Variants in ZNF91 observed in about 807,000 individuals in gnomAD.
ZNF91 encodes zinc finger protein 91 (HPF7, HTF10).
A neutral mutation model predicts 12.6 loss-of-function variants in ZNF91; 7 were observed. The ratio of observed to expected loss-of-function variants is 0.55; its 90% CI spans 0.31 to 1.04. ZNF91 has a LOEUF of 1.04. Among genes scored for constraint, ZNF91 ranks in the 50% least tolerant of loss-of-function variants. ZNF91 has a pLI of 0.05. For synonymous variants in ZNF91, 453 were observed against 462.6 expected, an observed-to-expected ratio of 0.98 and a Z score of 0.27; for missense variants, 1,217 against 1,385.4, an observed-to-expected ratio of 0.88 and a Z score of 1.93.
chr19:23,364,808 G>A (rs557162331), intron 3 of ZNF91, among the ~76,000 whole-genome samples: 98 of 152,012 alleles, frequency 6.4e-4, no homozygotes, highest in African/African-American at 2.3e-3. Context: ...AAAATACAAC[G>A]ATAATATTTA....
chr19:23,369,028 T>G (rs1239014398), intron 3 of ZNF91, among the ~76,000 whole-genome samples: 1 of 152,008 alleles, frequency 6.6e-6, no homozygotes, highest in South Asian at 2.1e-4. Context: ...AATGAAACCC[T>G]TGGCTGGGCA....
Position 23,332,699 on chromosome 19 carries a change from C to T in ZNF91, n.117-23602G>A, listed in dbSNP as rs1967946824. ...ATCACAGCTTACCTAGTCAACACCT[C>T]ATTTTACCTAATATTTGACGACATA... On this transcript the variant is annotated intron_variant and non_coding_transcript_variant, in intron 1 of 1. Transcript: ENST00000596528. Among the ~76,000 whole-genome samples the T allele has an allele frequency of 2.6e-5, 4 of 152,300 alleles. 1 individual carries two copies. Among genetic ancestry groups the T allele is most frequent in the South Asian group, 4.1e-4 (2 of 4,830 alleles).
downstream of ZNF91, among the ~76,000 whole-genome samples, chr19:23,356,110 A>C (rs933372854): frequency 6.6e-6 from 1 of 152,208 alleles, no homozygotes; most frequent in Non-Finnish European, 1.5e-5. Flanking sequence ...AACAGTGTGG[A>C]GAGTCTGTAA....
downstream of ZNF91, among the ~76,000 whole-genome samples, chr19:23,335,548 C>A (rs1168826724): frequency 6.6e-6 from 1 of 152,234 alleles, no homozygotes; most frequent in African/African-American, 2.4e-5. Context: ...CCCAACCTCG[C>A]TGCCACCTTG....
rs573356891 is a variant in ZNF91 at position 23,385,964 on chromosome 19, A to G, written c.30+9361T>C. Among the ~76,000 whole-genome samples, 11 of 152,316 alleles carry G rather than the reference A, an allele frequency of 7.2e-5. No homozygotes were observed. In the East Asian group the frequency reaches 1.9e-3, roughly 27 times the overall value. On this transcript the variant is annotated intron_variant, in intron 1 of 3. Transcript: ENST00000300619. ...TATATTTTTACATGCCTTTGGAAAA[A>G]AATAATTTTAGGATACAAAATAAAT...
chr19:23,384,631 T>A, intron 1 of ZNF91: 1 of 734,796 alleles, frequency 1.4e-6, no homozygotes, highest in Non-Finnish European at 2.0e-6. Context: ...AGTCCCCCTC[T>A]TGGAGGCTTT....
In ZNF91 at chr19:23,362,671, G is replaced by C. The variant is rs563811558; in HGVS notation, c.308C>G (p.Ser103Cys). The C allele has an allele frequency of 1.9e-6, 3 of 1,543,938 alleles. No individual in the cohort carries two copies. The South Asian group carries it at 4.0e-5, about 20-fold the overall frequency. ...DFWPEQSMEDSFQKVLLRKYE... is the reference protein window; with the variant it reads ...DFWPEQSMEDCFQKVLLRKYE... Reference sequence around the variant, plus strand: ...TTTTCTCAGTAATACTTTTTGAAAAGAATCTTCCATGCTCTGCTCTGGCCA... The same window carrying C: ...TTTTCTCAGTAATACTTTTTGAAAACAATCTTCCATGCTCTGCTCTGGCCA... The change falls in exon 4 of 4, where the codon TCT becomes TGT. Residue 103 changes from serine to cysteine, a missense_variant. Coordinates refer to ENST00000300619, the MANE Select transcript of ZNF91 (RefSeq NM_003430.4).
chr19:23,331,691 G>A (rs143540495), intron 1 of ZNF91, among the ~76,000 whole-genome samples: 47 of 152,214 alleles, frequency 3.1e-4, no homozygotes, highest in East Asian at 2.9e-3. Flanking sequence ...CTTGCTGTGC[G>A]CCTTTGTTAC....
chr19:23,386,611 G>C (rs1969882022), intron 1 of ZNF91, among the ~76,000 whole-genome samples: 1 of 152,030 alleles, frequency 6.6e-6, no homozygotes, highest in Admixed American at 6.6e-5. Context: ...CTATGGAGAA[G>C]ACTAAAACTG....
intron 1 of ZNF91, chr19:23,327,703 T>A (rs1342201061): frequency 2.0e-5 from 3 of 152,224 alleles, no homozygotes; most frequent in African/African-American, 7.2e-5. Flanking sequence ...TAGATTTTTT[T>A]AAGCCATTTT....
At chr19:23,353,523 A>C (rs989527900), downstream of ZNF91, among the ~76,000 whole-genome samples, 1 of 152,154 alleles carries the variant, frequency 6.6e-6, no homozygotes, top group Admixed American at 6.5e-5. Context: ...AAAACGGAAA[A>C]TCTAAGGTCA....
chr19:23,378,138 G>A (rs543257439), intron 1 of ZNF91, among the ~76,000 whole-genome samples: 108 of 152,276 alleles, frequency 7.1e-4, no homozygotes, highest in Middle Eastern at 3.4e-3. Flanking sequence ...GAATGTCTCT[G>A]TAAACACTGG....
chr19:23,392,184 T>A (rs1599763709), intron 1 of ZNF91, among the ~76,000 whole-genome samples: 1 of 151,406 alleles, frequency 6.6e-6, no homozygotes, highest in East Asian at 1.9e-4. Context: ...TCACCTGAGG[T>A]CAGGAGTTCG....
chr19:23,341,328 C>T (rs1190915300), intron 3 of ZNF91, among the ~76,000 whole-genome samples: 3 of 152,102 alleles, frequency 2.0e-5, no homozygotes, highest in Non-Finnish European at 4.4e-5. Context: ...GGATTACAGG[C>T]GTGAGCTACC....
At chr19:23,330,231 C>T (rs1201441827) in intron 1 of ZNF91, among the ~76,000 whole-genome samples, 4 of 151,612 alleles carry the variant, frequency 2.6e-5, no homozygotes, top group East Asian at 1.9e-4. Flanking sequence ...CTCGGGAGGC[C>T]GAGGTGGGAG....
intron 1 of ZNF91, among the ~76,000 whole-genome samples, chr19:23,323,035 TCC>T (rs1967743018): frequency 1.4e-5 from 2 of 138,276 alleles, no homozygotes; most frequent in Admixed American, 7.0e-5. Context: ...TCGTCCTTTC[TCC>T]TTTTTGTTTC....
chr19:23,345,673 C>A (rs941358609), intron 3 of ZNF91, among the ~76,000 whole-genome samples: 1 of 151,988 alleles, frequency 6.6e-6, no homozygotes, highest in Non-Finnish European at 1.5e-5. Context: ...CTCTCCCTCT[C>A]AACCATCTTC....
At chr19:23,376,602 T>C (rs950686444) in intron 1 of ZNF91, among the ~76,000 whole-genome samples, 3 of 152,160 alleles carry the variant, frequency 2.0e-5, no homozygotes, top group African/African-American at 7.2e-5. Context: ...TTGGTCACAC[T>C]GGTCTCAAAC....
chr19:23,347,113 A>AC (rs149583442), intron 3 of ZNF91, among the ~76,000 whole-genome samples: 11,566 of 149,274 alleles, frequency 0.077, 559 homozygotes, highest in African/African-American at 0.12. Context: ...CTATAGTGTC[A>AC]CCCCCCCTAC....
Sources: allele counts gnomAD v4.1 joint callset (sites outside exome capture counted in the v4.1 genomes callset), GRCh38; gene constraint gnomAD v4.1.1; transcripts MANE v1.5; gene names NCBI Gene and HGNC (gene_info 2026-07-23, HGNC 2026-07-21).